Variants in NEDD4L observed in about 807,000 individuals in gnomAD.
NEDD4L encodes the protein E3 ubiquitin-protein ligase NEDD4-like.
In NEDD4L, 54 loss-of-function variants were observed where a neutral mutation model predicts 148.9. The observed-to-expected ratio is 0.36, with a 90% CI of 0.29 to 0.45. The LOEUF (loss-of-function observed/expected upper bound fraction) is 0.45, where lower values mean the gene tolerates loss of function less well. NEDD4L is among the 20% of genes least tolerant of loss of function. The pLI is 1.00. For missense variants in NEDD4L, 856 were observed against 1,233.8 expected (o/e 0.69, Z 4.59); for synonymous variants, 433 against 440.7 (o/e 0.98, Z 0.22).
chr18:58,060,602 A>T (rs1331151274), intron 1 of NEDD4L, among the ~76,000 whole-genome samples: 2 of 152,176 alleles, frequency 1.3e-5, no homozygotes, highest in African/African-American at 4.8e-5. Flanking sequence ...AGGTACAAAA[A>T]AAGGGAGGTG....
chr18:58,393,340 T>A (rs1359862759), intron 30 of NEDD4L, among the ~76,000 whole-genome samples: 14 of 152,180 alleles, frequency 9.2e-5, no homozygotes, highest in Admixed American at 9.2e-4. Flanking sequence ...AATTTGGACT[T>A]CATTGGTCTG....
chr18:58,103,333 A>T (rs1257680455), intron 1 of NEDD4L, among the ~76,000 whole-genome samples: 8 of 150,582 alleles, frequency 5.3e-5, no homozygotes. Flanking sequence ...CACAGTTCTG[A>T]TATGCATGAG....
intron 2 of NEDD4L, among the ~76,000 whole-genome samples, chr18:58,207,475 T>G (rs190676176): frequency 7.3e-6 from 1 of 137,584 alleles, no homozygotes; most frequent in East Asian, 2.1e-4. Flanking sequence ...TGAGAGTGGA[T>G]GGCCTACAGG....
At chr18:58,199,509 G>A (rs1390409032) in intron 2 of NEDD4L, among the ~76,000 whole-genome samples, 1 of 152,168 alleles carries the variant, frequency 6.6e-6, no homozygotes, top group Non-Finnish European at 1.5e-5. Context: ...GACCAGGCAC[G>A]GTGGCTCACG....
At chr18:58,310,064 T>C (rs1200356034) in intron 5 of NEDD4L, among the ~76,000 whole-genome samples, 1 of 152,232 alleles carries the variant, frequency 6.6e-6, no homozygotes, top group African/African-American at 2.4e-5. Flanking sequence ...TCTCTTTCTC[T>C]CTCTCTGACT....
chr18:58,379,826 G>T (rs2048100843), intron 24 of NEDD4L, among the ~76,000 whole-genome samples: 1 of 152,112 alleles, frequency 6.6e-6, no homozygotes, highest in Non-Finnish European at 1.5e-5. Flanking sequence ...ATGCATTTCT[G>T]TACCACGGAG....
At chr18:58,109,580 T>TG (rs2145635985) in intron 1 of NEDD4L, among the ~76,000 whole-genome samples, 1 of 148,430 alleles carries the variant, frequency 6.7e-6, no homozygotes, top group South Asian at 2.2e-4. Flanking sequence ...TTGTTTTTTT[T>TG]TTTTTTTTTG....
At chr18:58,192,718 A>G (rs1293497160) in intron 2 of NEDD4L, among the ~76,000 whole-genome samples, 1 of 149,900 alleles carries the variant, frequency 6.7e-6, no homozygotes, top group Non-Finnish European at 1.5e-5. Flanking sequence ...AGGGGAGTTC[A>G]GCAACCATCT....
At chr18:58,092,652 G>C (rs1228418755) in intron 1 of NEDD4L, among the ~76,000 whole-genome samples, 1 of 151,974 alleles carries the variant, frequency 6.6e-6, no homozygotes, top group Admixed American at 6.6e-5. Context: ...CTCTGCACCT[G>C]CTCTTATGGA....
intron 2 of NEDD4L, among the ~76,000 whole-genome samples, chr18:58,184,882 G>C (rs917617634): frequency 2.0e-4 from 31 of 151,774 alleles, no homozygotes; most frequent in Non-Finnish European, 3.7e-4. Flanking sequence ...GAGCCGAGAT[G>C]GCACCACTGC....
intron 1 of NEDD4L, among the ~76,000 whole-genome samples, chr18:58,115,637 T>C (rs572436405): frequency 2.6e-5 from 4 of 152,312 alleles, no homozygotes; most frequent in Admixed American, 6.5e-5. Flanking sequence ...TTTTGAAAGA[T>C]TGACTTACTC....
At chr18:58,289,734 G>C (rs4941378) in intron 5 of NEDD4L, among the ~76,000 whole-genome samples, 64,865 of 152,046 alleles carry the variant, frequency 0.43, 14,234 homozygotes, top group African/African-American at 0.52. Flanking sequence ...TCTTTGGTGT[G>C]CAAGGCAGGA....
intron 2 of NEDD4L, among the ~76,000 whole-genome samples, chr18:58,186,310 T>C (rs2147096040): frequency 6.6e-6 from 1 of 152,364 alleles, no homozygotes; most frequent in Middle Eastern, 3.4e-3. Context: ...AGCCCTAGGC[T>C]GGCATTTGCA....
chr18:58,148,429 G>A (rs1389120532), intron 1 of NEDD4L, among the ~76,000 whole-genome samples: 1 of 152,172 alleles, frequency 6.6e-6, no homozygotes, highest in Non-Finnish European at 1.5e-5. Flanking sequence ...GCCTCCCAAA[G>A]TGCTGGGATT....
rs1316655095 is a variant in NEDD4L, at chr18:58,307,939, G to A, written c.298-8043G>A. Reference sequence around the variant, plus strand: ...GAAGTATCATTGCTATTTTTTCCTTGATACATTTAGTCTGGTATTAAAATT... The same window carrying A: ...GAAGTATCATTGCTATTTTTTCCTTAATACATTTAGTCTGGTATTAAAATT... On this transcript the variant is annotated intron_variant, in intron 5 of 30. Coordinates refer to ENST00000400345, the MANE Select transcript of NEDD4L (RefSeq NM_001144967.3). 3.3e-5 allele frequency among the ~76,000 whole-genome samples: 5 copies of A among 152,074 alleles called. 1 individual carries two copies. The East Asian group carries it at 7.7e-4, about 23-fold the overall frequency.
chr18:58,222,233 C>T (rs964901772), intron 2 of NEDD4L, among the ~76,000 whole-genome samples: 6 of 152,092 alleles, frequency 3.9e-5, no homozygotes, highest in Admixed American at 2.6e-4. Flanking sequence ...ACTTAGAAAC[C>T]TCCTGGAGAA....
intron 1 of NEDD4L, among the ~76,000 whole-genome samples, chr18:58,114,494 T>C (rs1249693587): frequency 6.6e-6 from 1 of 152,186 alleles, no homozygotes; most frequent in Non-Finnish European, 1.5e-5. Flanking sequence ...CGTCTTGCTT[T>C]TTAAAATCCA....
chr18:58,086,764 G>C (rs190279687), intron 1 of NEDD4L, among the ~76,000 whole-genome samples: 1 of 152,320 alleles, frequency 6.6e-6, no homozygotes, highest in East Asian at 1.9e-4. Flanking sequence ...TTATTAATAT[G>C]ATAGTTATCT....
At chr18:58,226,918 A>G (rs2044423945) in intron 2 of NEDD4L, among the ~76,000 whole-genome samples, 1 of 151,938 alleles carries the variant, frequency 6.6e-6, no homozygotes, top group Non-Finnish European at 1.5e-5. Flanking sequence ...AAAAAAAAAA[A>G]CCTGATCTTT....
Sources: gnomAD v4.1 joint callset for allele counts (sites outside exome capture counted in the v4.1 genomes callset) on GRCh38, gnomAD v4.1.1 for gene constraint, MANE v1.5 for transcripts, NCBI Gene and HGNC (gene_info 2026-07-23, HGNC 2026-07-21) for gene names.